The following MLC1 variants were observed in gnomAD, a reference collection of about 807,000 sequenced individuals.
MLC1 encodes modulator of VRAC current 1, also known as membrane protein MLC1.
A neutral mutation model predicts 44.7 loss-of-function variants in MLC1; 32 were observed. The ratio of observed to expected loss-of-function variants is 0.72; its 90% CI spans 0.54 to 0.96. The LOEUF is 0.96. MLC1 is among the 40% of genes least tolerant of loss of function. The pLI is 0.00. For synonymous variants in MLC1, 190 were observed against 213.0 expected, an observed-to-expected ratio of 0.89 and a Z score of 0.94; for missense variants, 459 against 492.2, an observed-to-expected ratio of 0.93 and a Z score of 0.64.
intron 1 of MLC1, 22 bp from the exon 2 acceptor site, chr22:50,084,983 C>G: frequency 6.3e-7 from 1 of 1,577,238 alleles, no homozygotes; most frequent in Non-Finnish European, 8.6e-7. Flanking sequence ...TTATCATCGG[C>G]TTTGGCCACT....
intron 4 of MLC1, 131 bp from the exon 5 acceptor site, chr22:50,080,150 C>A (rs2062084115): frequency 3.9e-6 from 4 of 1,017,428 alleles, no homozygotes; most frequent in Non-Finnish European, 6.0e-6. Flanking sequence ...GTCCTGCGTG[C>A]TCAGCCCGCT....
intron 3 of MLC1, among the ~76,000 whole-genome samples, chr22:50,081,299 C>T (rs1238644352): frequency 2.6e-5 from 4 of 151,422 alleles, no homozygotes; most frequent in African/African-American, 7.3e-5. Context: ...GCAGAGACGG[C>T]GCCATTGCAC....
intron 5 of MLC1, among the ~76,000 whole-genome samples, chr22:50,079,498 G>GTTT (rs1231305302): frequency 2.0e-5 from 2 of 98,112 alleles, no homozygotes; most frequent in African/African-American, 3.8e-5. Context: ...TGGGATTTTT[G>GTTT]TCTTTTTTTT....
At position 50,068,444 on chromosome 22, in the gene MLC1, G is replaced by C; in HGVS notation, c.883C>G (p.Pro295Ala). The C allele has an allele frequency of 6.2e-7, 1 of 1,613,820 alleles. No individual in the cohort carries two copies. The change falls in exon 10 of 12, where the codon CCA (proline) becomes GCA (alanine). Residue 295 changes from proline to alanine, a missense_variant. Physicochemically the swap from Pro to Ala is conservative, Grantham distance 27. Transcript: ENST00000311597. ...RIVEMFKDYP[P>A]AIKPSYDVLL... ...AAAATACAACTCACTTTTATGGCTG[G>C]CGGGTAATCCTTAAACATCTCCACG...
intron 11 of MLC1, among the ~76,000 whole-genome samples, chr22:50,062,650 G>A (rs528537987): frequency 6.6e-6 from 1 of 152,266 alleles, no homozygotes; most frequent in African/African-American, 2.4e-5. Context: ...GGCCGGTGGT[G>A]TGCTGAACAC....
chr22:50,068,278 G>A (rs559224351), intron 10 of MLC1, among the ~76,000 whole-genome samples, 155 bp downstream of exon 10: 18 of 152,352 alleles, frequency 1.2e-4, no homozygotes, highest in African/African-American at 4.1e-4. Flanking sequence ...GCATTGGGGA[G>A]CACGGTCACC....
At chr22:50,082,297 A>G (rs946639004) in intron 3 of MLC1, among the ~76,000 whole-genome samples, 5 of 152,188 alleles carry the variant, frequency 3.3e-5, no homozygotes, top group South Asian at 2.1e-4. Context: ...CCCAGGGGTC[A>G]GCCAGCATGG....
chr22:50,079,798 A>G, intron 5 of MLC1, 120 bp downstream of exon 5: 1 of 810,056 alleles, frequency 1.2e-6, no homozygotes, highest in Non-Finnish European at 2.2e-6. Context: ...CTTTAGTCAA[A>G]CTCACGAGCT....
At chr22:50,073,102 G>A (rs906868965) in intron 8 of MLC1, among the ~76,000 whole-genome samples, 13 of 151,642 alleles carry the variant, frequency 8.6e-5, no homozygotes, top group African/African-American at 1.2e-4. Flanking sequence ...TACCATTCCC[G>A]GGCAGGCGTG....
chr22:50,068,725 C>CTTTTTTTTTTTTTTTTT (rs765426637), intron 9 of MLC1, among the ~76,000 whole-genome samples, 170 bp from the exon 10 acceptor site: 1 of 105,256 alleles, frequency 9.5e-6, no homozygotes, highest in Non-Finnish European at 1.9e-5. Flanking sequence ...TTTTCTTTTT[C>CTTTTTTTTTTTTTTTTT]TTTTTTTTTT....
intron 10 of MLC1, among the ~76,000 whole-genome samples, chr22:50,064,710 G>A (rs2061667475): frequency 2.0e-5 from 3 of 152,176 alleles, no homozygotes; most frequent in East Asian, 1.9e-4. Flanking sequence ...CGGTGAGCTC[G>A]GCAGGGAAGA....
chr22:50,074,444 C>T, intron 7 of MLC1, 112 bp from the exon 8 acceptor site: 7 of 970,518 alleles, frequency 7.2e-6, no homozygotes, highest in African/African-American at 1.6e-5. Flanking sequence ...GGGCTGGCCC[C>T]AGATCTAACC....
intron 3 of MLC1, among the ~76,000 whole-genome samples, chr22:50,081,823 G>C (rs1296331717): frequency 1.3e-5 from 2 of 152,208 alleles, no homozygotes; most frequent in African/African-American, 4.8e-5. Context: ...GGGCGGGGGT[G>C]GGCACTTGCC....
Position 50,063,973 on chromosome 22 carries a change from G to T in MLC1, c.1059+61C>A. On this transcript the variant is annotated intron_variant, in intron 11 of 11. Coordinates refer to ENST00000311597, the MANE Select transcript of MLC1 (RefSeq NM_015166.4). ...ACCCCACAGGCTTCTCACCTCCCTG[G>T]CTGGGCACCCCCGTGGGCCACTCAC... 2.0e-6 allele frequency: 3 copies of T among 1,511,932 alleles called. 1 individual carries two copies. In the South Asian group the frequency reaches 3.8e-5, roughly 19 times the overall value. The allele number at this position is 1,511,932 out of a possible 1,614,324, so 93.7% of individuals were successfully genotyped here.
chr22:50,073,981 G>A (rs779131047), intron 8 of MLC1, among the ~76,000 whole-genome samples: 6 of 152,080 alleles, frequency 3.9e-5, no homozygotes, highest in Admixed American at 6.6e-5. Context: ...AAAATAATTG[G>A]TATTTTTTTC....
Position 50,080,353 on chromosome 22 carries a change from G to T in MLC1, c.312C>A (p.Asn104Lys), listed in dbSNP as rs763564142. Residue 104 changes from asparagine to lysine, a missense_variant, in exon 4 of 12, where the codon AAC (asparagine) becomes AAA (lysine). Asn to Lys is a moderately conservative substitution (Grantham distance 94, BLOSUM62 0). Coordinates refer to ENST00000311597, the MANE Select transcript of MLC1 (RefSeq NM_015166.4). ...TGCAAGCTAGACTCACCACATTGGC[G>T]TTCCTCCTGGAGACGGTGAAGCTCA... ...AIVSFTVSRR[N>K]ANVIPNFQIL... is the part of the protein sequence containing the mutation. 5 of 1,607,690 alleles carry T rather than the reference G, an allele frequency of 3.1e-6. No individual in the cohort carries two copies. In the South Asian group the frequency reaches 4.5e-5, roughly 14 times the overall value.
At position 50,085,386 on chromosome 22, in the gene MLC1, G is replaced by A. The variant is rs1473639307; in HGVS notation, c.-91C>T. 4.8e-6 allele frequency: 1 copy of A among 210,194 alleles called. No homozygotes were observed. Among genetic ancestry groups the A allele is most frequent in the Non-Finnish European group, 9.5e-6 (1 of 105,590 alleles). 13.0% of individuals were successfully genotyped at this position (210,194 alleles called of 1,614,324 possible). ...CGCTGCTCTGCCGTTGGGAGCACTG[G>A]TCTCTGGGTGAGGGACTTCCAGCAA... is the stretch of plus-strand genomic sequence containing the variant. On this transcript the variant is annotated 5_prime_UTR_variant, in exon 1 of 12. Coordinates refer to ENST00000311597, the MANE Select transcript of MLC1 (RefSeq NM_015166.4).
At chr22:50,084,037 C>T (rs5771366) in intron 2 of MLC1, among the ~76,000 whole-genome samples, 19,600 of 152,086 alleles carry the variant, frequency 0.13, 1,583 homozygotes, top group East Asian at 0.33. Context: ...CCGGCGGAGG[C>T]CAGGGCACAG....
At chr22:50,069,142 TCGGC>T (rs1271422365) in intron 9 of MLC1, among the ~76,000 whole-genome samples, 2 of 152,042 alleles carry the variant, frequency 1.3e-5, no homozygotes, top group African/African-American at 4.8e-5. Context: ...TTCTCCCGCC[TCGGC>T]CTCTTGAGTA....
Sources: allele counts gnomAD v4.1 joint callset (sites outside exome capture counted in the v4.1 genomes callset), GRCh38; gene constraint gnomAD v4.1.1; transcripts MANE v1.5; gene names NCBI Gene and HGNC (gene_info 2026-07-23, HGNC 2026-07-21).